EPAS1: variants seen among roughly 807,000 people sequenced by gnomAD.
EPAS1 encodes the protein endothelial PAS domain protein 1.
Under a neutral mutation model 87.9 loss-of-function variants are expected in EPAS1, and 23 were observed. The observed-to-expected ratio is 0.26, with a 90% CI of 0.19 to 0.37. EPAS1 has a LOEUF of 0.37. EPAS1 is among the 10% of genes least tolerant of loss of function. The probability of loss-of-function intolerance (pLI) is 1.00; values close to 1 mark genes in which losing one functional copy is unlikely to be tolerated. For missense variants in EPAS1, 1,138 were observed against 1,120.7 expected (o/e 1.02, Z -0.22); for synonymous variants, 508 against 444.3 (o/e 1.14, Z -1.80).
At chr2:46,355,725 G>C (rs1299619886) in intron 2 of EPAS1, among the ~76,000 whole-genome samples, 1 of 152,220 alleles carries the variant, frequency 6.6e-6, no homozygotes, top group Admixed American at 6.5e-5. Flanking sequence ...ACTAGGAGAA[G>C]AGGGCTAGAG....
intron 11 of EPAS1, 107 bp downstream of exon 11, chr2:46,378,874 G>A: frequency 1.8e-6 from 2 of 1,136,562 alleles, no homozygotes; most frequent in South Asian, 2.5e-5. Flanking sequence ...AAGAGCAGTG[G>A]AGACGTTTGG....
intron 6 of EPAS1, among the ~76,000 whole-genome samples, chr2:46,368,175 T>C (rs946818047): frequency 5.3e-5 from 8 of 152,188 alleles, no homozygotes; most frequent in African/African-American, 1.9e-4. Flanking sequence ...TGCATAATTT[T>C]CTGTAATATT....
At chr2:46,341,932 G>A (rs1318730280) in intron 1 of EPAS1, among the ~76,000 whole-genome samples, 1 of 152,100 alleles carries the variant, frequency 6.6e-6, no homozygotes, top group African/African-American at 2.4e-5. Flanking sequence ...AGGTGACATA[G>A]CTGTTTGCAT....
chr2:46,379,388 CTTAG>C (rs1684830026), intron 11 of EPAS1, among the ~76,000 whole-genome samples: 1 of 152,170 alleles, frequency 6.6e-6, no homozygotes, highest in Non-Finnish European at 1.5e-5. Flanking sequence ...TGCCTTGCCA[CTTAG>C]TTTGTTTCTT....
rs771298680 is a variant in EPAS1 at position 46,371,055 on chromosome 2, G to A, written c.886+1122G>A. Reference sequence around the variant, plus strand: ...AGGCACTAAATGCACTATATAAACCGATGGGCAAGACTGTATTTGGAAAAG... The same window carrying A: ...AGGCACTAAATGCACTATATAAACCAATGGGCAAGACTGTATTTGGAAAAG... On this transcript the variant is annotated intron_variant, in intron 7 of 15. Transcript: ENST00000263734. The surrounding 1 kb of genome is among the most constrained non-coding windows in gnomAD (Gnocchi z 4.3). 9.2e-5 allele frequency among the ~76,000 whole-genome samples: 14 copies of A among 152,254 alleles called. No individual in the cohort carries two copies. Among genetic ancestry groups the A allele is most frequent in the East Asian group, 3.9e-4 (2 of 5,186 alleles).
At chr2:46,352,926 T>C (rs1283398169) in intron 2 of EPAS1, among the ~76,000 whole-genome samples, 4 of 152,326 alleles carry the variant, frequency 2.6e-5, no homozygotes, top group African/African-American at 7.2e-5. Context: ...GCACTGGGCA[T>C]GGGTGGAAAC....
intron 1 of EPAS1, among the ~76,000 whole-genome samples, chr2:46,312,547 A>C (rs986801358): frequency 1.3e-5 from 2 of 152,186 alleles, no homozygotes; most frequent in South Asian, 4.1e-4. Flanking sequence ...CCTTCAAGGC[A>C]TCATTATTAA....
chr2:46,324,885 C>G (rs995782595), intron 1 of EPAS1, among the ~76,000 whole-genome samples: 3 of 152,272 alleles, frequency 2.0e-5, no homozygotes, highest in Non-Finnish European at 4.4e-5. Context: ...GAGCCCATCT[C>G]ACAGCCTGCC....
chr2:46,338,125 C>G (rs534643714), intron 1 of EPAS1, among the ~76,000 whole-genome samples: 1 of 152,288 alleles, frequency 6.6e-6, no homozygotes, highest in South Asian at 2.1e-4. Context: ...CAATTACAAT[C>G]AAGAATATGG....
At chr2:46,310,924 T>C (rs1683198597) in intron 1 of EPAS1, among the ~76,000 whole-genome samples, 1 of 152,228 alleles carries the variant, frequency 6.6e-6, no homozygotes, top group South Asian at 2.1e-4. Flanking sequence ...TTGCCCAGGC[T>C]GGAGTGCAGT....
intron 2 of EPAS1, among the ~76,000 whole-genome samples, chr2:46,352,612 C>T (rs943177662): frequency 1.3e-5 from 2 of 152,320 alleles, no homozygotes; most frequent in African/African-American, 4.8e-5. Context: ...TACCTCCTGG[C>T]TCCCCAGTTT....
intron 1 of EPAS1, among the ~76,000 whole-genome samples, chr2:46,309,697 G>A (rs745776659): frequency 2.6e-5 from 4 of 152,168 alleles, no homozygotes; most frequent in Non-Finnish European, 5.9e-5. Context: ...AGAGTGTGCA[G>A]GCCAGGACTG....
At chr2:46,308,067 C>T (rs539144404) in intron 1 of EPAS1, among the ~76,000 whole-genome samples, 104 of 152,314 alleles carry the variant, frequency 6.8e-4, no homozygotes, top group African/African-American at 2.5e-3. Flanking sequence ...CCATCATTCA[C>T]TGTGCCTCCT....
intron 7 of EPAS1, among the ~76,000 whole-genome samples, chr2:46,372,836 C>T (rs1684654957): frequency 1.3e-5 from 2 of 152,214 alleles, no homozygotes; most frequent in Non-Finnish European, 2.9e-5. Context: ...CATTAAGGAC[C>T]ATCTAAATAA....
chr2:46,329,619 C>T lies in EPAS1; in HGVS notation c.27-17254C>T, dbSNP rs187898059. Among the ~76,000 whole-genome samples the T allele has an allele frequency of 5.4e-3, 825 of 152,160 alleles. 4 individuals are homozygous for T. The highest frequency in any genetic ancestry group is 0.019 in the African/African-American group (791 of 41,506). On this transcript the variant is annotated intron_variant, in intron 1 of 15. Transcript: ENST00000263734. ...CGGGTGGATCATGAGGTCAGGAGTC[C>T]GAGACTAGCCTGGCCGAGATAGTGA...
At chr2:46,333,046 T>TG (rs1194994269) in intron 1 of EPAS1, among the ~76,000 whole-genome samples, 1 of 152,222 alleles carries the variant, frequency 6.6e-6, no homozygotes, top group African/African-American at 2.4e-5. Context: ...TACTTCTGTG[T>TG]GAAAACATCC....
At chr2:46,370,722 C>T (rs1236154748) in intron 7 of EPAS1, among the ~76,000 whole-genome samples, 1 of 152,228 alleles carries the variant, frequency 6.6e-6, no homozygotes, top group Non-Finnish European at 1.5e-5. Flanking sequence ...TAAATATCCA[C>T]ACTTGGCTTG....
At position 46,385,927 on chromosome 2, in the gene EPAS1, C is replaced by T. The variant is rs1446850567; in HGVS notation, c.*1267C>T. 6.6e-6 allele frequency: 1 copy of T among 152,344 alleles called. No individual in the cohort carries two copies. The highest frequency in any genetic ancestry group is 2.4e-5 in the African/African-American group (1 of 41,436). 9.4% of individuals were successfully genotyped at this position (152,344 alleles called of 1,614,324 possible). ...GAGGGGTCAAAAATGGTATAGTGAC[C>T]CCGTCCACGTCCTCCAAGCTCACGA... On this transcript the variant is annotated 3_prime_UTR_variant, in exon 16 of 16. Coordinates refer to ENST00000263734, the MANE Select transcript of EPAS1 (RefSeq NM_001430.5).
chr2:46,332,291 CGTGTGTGTGT>C lies in EPAS1; in HGVS notation c.27-14549_27-14540del, dbSNP rs57893491. ...TTTCACAGAAAAAAAAAAAAAAATA[CGTGTGTGTGT>C]GTGTGTGTGTGTGTGTGTGTGTGTG... On this transcript the variant is annotated intron_variant, in intron 1 of 15. Coordinates refer to ENST00000263734, the MANE Select transcript of EPAS1 (RefSeq NM_001430.5). Among the ~76,000 whole-genome samples the C allele has an allele frequency of 4.6e-3, 505 of 110,818 alleles. 3 individuals carry two copies. The highest frequency in any genetic ancestry group is 0.013 in the African/African-American group (441 of 33,298). 72.7% of individuals were successfully genotyped at this position (110,818 alleles called of 152,430 possible).
Sources: gnomAD v4.1 joint callset for allele counts (sites outside exome capture counted in the v4.1 genomes callset) on GRCh38, gnomAD v4.1.1 for gene constraint, Gnocchi (gnomAD v3.1) non-coding constraint, MANE v1.5 for transcripts, NCBI Gene and HGNC (gene_info 2026-07-23, HGNC 2026-07-21) for gene names.